INTS6: variants seen among roughly 807,000 people sequenced by gnomAD.
INTS6 encodes the protein DEAD box protein.
A neutral mutation model predicts 104.9 loss-of-function variants in INTS6; 16 were observed. The ratio of observed to expected loss-of-function variants is 0.15; its 90% CI spans 0.10 to 0.23. The LOEUF (loss-of-function observed/expected upper bound fraction) is 0.23, where lower values mean the gene tolerates loss of function less well. INTS6 is among the 10% of genes least tolerant of loss of function. The pLI, the probability that INTS6 is intolerant of heterozygous loss-of-function variation, is 1.00. For synonymous variants in INTS6, 324 were observed against 358.7 expected, an observed-to-expected ratio of 0.90 and a Z score of 1.09; for missense variants, 584 against 1,062.8, an observed-to-expected ratio of 0.55 and a Z score of 6.26.
At chr13:51,419,893 C>A (rs1295732397) in intron 4 of INTS6, among the ~76,000 whole-genome samples, 1 of 152,120 alleles carries the variant, frequency 6.6e-6, no homozygotes, top group Non-Finnish European at 1.5e-5. Flanking sequence ...GGGTATACAC[C>A]AGCGATCAGC....
chr13:51,429,785 A>AAAAAAAAAAAAAAATATATATATATATAT (rs1156333077), intron 4 of INTS6, among the ~76,000 whole-genome samples: 1 of 92,356 alleles, frequency 1.1e-5, no homozygotes, highest in Non-Finnish European at 2.0e-5. Flanking sequence ...AAAAAAAAAA[A>AAAAAAAAAAAAAAATATATATATATATAT]ATATATATAT....
chr13:51,366,369 G>A (rs934653463), intron 17 of INTS6, among the ~76,000 whole-genome samples: 1 of 152,024 alleles, frequency 6.6e-6, no homozygotes, highest in African/African-American at 2.4e-5. Context: ...ATCAAGGATA[G>A]ACATCTATAA....
intron 5 of INTS6, among the ~76,000 whole-genome samples, chr13:51,393,285 C>T (rs942427621): frequency 1.3e-5 from 2 of 152,084 alleles, no homozygotes; most frequent in African/African-American, 4.8e-5. Context: ...ACCATGTTGG[C>T]CAGGCTGGTC....
rs757511314 is a variant in INTS6, at chr13:51,369,244, G to A, written c.2171C>T (p.Ser724Leu). ...CATAGCATTTGGTGTAATGTCTGAT[G>A]AAAGTTGGTCTGCAACATGATTTTC... ...VVENHVADQL[S>L]SDITPNAMDT... The change falls in exon 16 of 18, where the codon TCA (serine) becomes TTA (leucine). Residue 724 changes from serine (S) to leucine (L), a missense_variant. Ser to Leu is a moderately radical substitution (Grantham distance 145). Transcript: ENST00000311234. The A allele has an allele frequency of 6.2e-7, 1 of 1,613,614 alleles. No homozygotes were observed.
chr13:51,405,470 T>C (rs542119646), intron 4 of INTS6, among the ~76,000 whole-genome samples: 1 of 152,330 alleles, frequency 6.6e-6, no homozygotes, highest in Admixed American at 6.5e-5. Flanking sequence ...ATCTGTCTTT[T>C]GGAGTTATAC....
At chr13:51,407,185 A>G (rs1254950533) in intron 4 of INTS6, among the ~76,000 whole-genome samples, 1 of 152,114 alleles carries the variant, frequency 6.6e-6, no homozygotes, top group Non-Finnish European at 1.5e-5. Context: ...TGGCTCTCCA[A>G]TGACCTCCTT....
chr13:51,447,367 T>C (rs1417544957), intron 3 of INTS6: 1 of 152,190 alleles, frequency 6.6e-6, no homozygotes, highest in African/African-American at 2.4e-5. Flanking sequence ...GAACTATAAC[T>C]GTATTATCTC....
chr13:51,334,504 G>A, the INTS6 span, among the ~76,000 whole-genome samples: 5 of 152,216 alleles, frequency 3.3e-5, no homozygotes, highest in South Asian at 8.3e-4. Context: ...AACTTATTAA[G>A]TTGTTAAAAT....
At chr13:51,405,574 G>C (rs1956546335) in intron 4 of INTS6, among the ~76,000 whole-genome samples, 1 of 151,932 alleles carries the variant, frequency 6.6e-6, no homozygotes, top group African/African-American at 2.4e-5. Flanking sequence ...TTTTGTTTTG[G>C]CTTGGTTACT....
At chr13:51,444,999 T>C (rs1199504766) in intron 3 of INTS6, 2 of 152,192 alleles carry the variant, frequency 1.3e-5, no homozygotes, top group Non-Finnish European at 2.9e-5. Flanking sequence ...CATTTTGTAC[T>C]ACTTTGAGCT....
Position 51,364,350 on chromosome 13 carries a change from G to A in INTS6, c.*1402C>T. 1 of 879,700 alleles carries A rather than the reference G, an allele frequency of 1.1e-6. No homozygotes were observed. Among genetic ancestry groups the A allele is most frequent in the Admixed American group, 3.0e-5 (1 of 33,086 alleles). The allele number at this position is 879,700 out of a possible 1,614,324, so 54.5% of individuals were successfully genotyped here. ...TATAATTTCATTTTGCTATACCCTT[G>A]AAATTTAAAAAAATGTCTGATAAAG... On this transcript the variant is annotated 3_prime_UTR_variant, in exon 18 of 18. Transcript: ENST00000311234.
At chr13:51,335,907 T>C in the INTS6 span, 3 of 152,048 alleles carry the variant, frequency 2.0e-5, no homozygotes, top group Non-Finnish European at 4.4e-5. Flanking sequence ...AAAACAACAA[T>C]GTATCTTTTT....
chr13:51,351,401 G>A (rs1027342173), downstream of INTS6, among the ~76,000 whole-genome samples: 3 of 152,096 alleles, frequency 2.0e-5, no homozygotes, highest in Non-Finnish European at 4.4e-5. Context: ...AATGACTAAT[G>A]AGGTAGAGCA....
chr13:51,380,464 G>C (rs1956024316), intron 10 of INTS6, among the ~76,000 whole-genome samples: 1 of 152,104 alleles, frequency 6.6e-6, no homozygotes, highest in African/African-American at 2.4e-5. Flanking sequence ...TAAATCTTCA[G>C]GGTTGCTATG....
At chr13:51,384,642 C>T (rs1331930249) in intron 7 of INTS6, 1 of 456,640 alleles carries the variant, frequency 2.2e-6, no homozygotes, top group Non-Finnish European at 4.4e-6. Flanking sequence ...AAAACCTGTT[C>T]TAAAAACCTA....
the INTS6 span, among the ~76,000 whole-genome samples, chr13:51,346,313 G>A: frequency 6.6e-6 from 1 of 152,128 alleles, no homozygotes; most frequent in Non-Finnish European, 1.5e-5. Context: ...GCTCAGCAGC[G>A]GGGCAGGGTG....
chr13:51,417,478 G>GGA (rs1207712559), intron 4 of INTS6, among the ~76,000 whole-genome samples: 2 of 128,254 alleles, frequency 1.6e-5, no homozygotes, highest in Non-Finnish European at 3.2e-5. Flanking sequence ...TTTTTGAGAC[G>GGA]GAGTCTTGCT....
intron 3 of INTS6, among the ~76,000 whole-genome samples, chr13:51,432,586 T>C (rs998463357): frequency 2.0e-5 from 3 of 152,236 alleles, no homozygotes; most frequent in African/African-American, 7.2e-5. Flanking sequence ...CTTCAACTTA[T>C]TCATTGACTC....
chr13:51,397,911 C>T (rs975967904), intron 4 of INTS6, among the ~76,000 whole-genome samples: 6 of 151,876 alleles, frequency 4.0e-5, no homozygotes, highest in African/African-American at 1.5e-4. Context: ...TGGCCTTTGG[C>T]TGTACAATGC....
Sources: allele counts gnomAD v4.1 joint callset (sites outside exome capture counted in the v4.1 genomes callset), GRCh38; gene constraint gnomAD v4.1.1; transcripts MANE v1.5; gene names NCBI Gene and HGNC (gene_info 2026-07-23, HGNC 2026-07-21).